Variants in SESN1 observed in about 807,000 individuals in gnomAD.
The protein encoded by SESN1 is sestrin-1.
A neutral mutation model predicts 59.3 loss-of-function variants in SESN1; 30 were observed. That is an observed-to-expected ratio of 0.51 (90% CI 0.38 to 0.69). SESN1 has a LOEUF of 0.69. Among genes scored for constraint, SESN1 ranks in the 30% least tolerant of loss-of-function variants. The pLI is 0.00. For missense variants in SESN1, 566 were observed against 673.0 expected (o/e 0.84, Z 1.76); for synonymous variants, 197 against 219.9 (o/e 0.90, Z 0.92).
chr6:109,049,681 A>AC (rs1162968665), intron 1 of SESN1, among the ~76,000 whole-genome samples: 5 of 150,806 alleles, frequency 3.3e-5, no homozygotes, highest in African/African-American at 1.2e-4. Context: ...AAAAAATAAA[A>AC]AGGAGAGGGG....
chr6:109,062,132 C>T (rs575470823), intron 1 of SESN1, among the ~76,000 whole-genome samples: 2 of 152,182 alleles, frequency 1.3e-5, no homozygotes, highest in South Asian at 4.1e-4. Flanking sequence ...TCAAGCCATC[C>T]TCCTGCCTCA....
chr6:109,077,195 T>C (rs1183650611), intron 1 of SESN1, among the ~76,000 whole-genome samples: 1 of 152,260 alleles, frequency 6.6e-6, no homozygotes, highest in African/African-American at 2.4e-5. Context: ...ATGACTGTAC[T>C]GTATCACCCT....
intron 1 of SESN1, among the ~76,000 whole-genome samples, chr6:109,005,186 G>A (rs1355725141): frequency 6.6e-6 from 1 of 152,196 alleles, no homozygotes; most frequent in African/African-American, 2.4e-5. Context: ...TCAATAGAAG[G>A]CTGTTTCAAT....
chr6:108,993,635 C>G (rs185412104), intron 6 of SESN1, among the ~76,000 whole-genome samples: 2 of 152,162 alleles, frequency 1.3e-5, no homozygotes, highest in Admixed American at 1.3e-4. Context: ...TTTAAATTAC[C>G]TGGTTTATAT....
At chr6:109,009,589 G>A (rs1779818513) in intron 1 of SESN1, 1 of 1,066,000 alleles carries the variant, frequency 9.4e-7, no homozygotes, top group South Asian at 4.5e-5. Context: ...AACAAGCCGC[G>A]CGGCCCCGCC....
intron 1 of SESN1, among the ~76,000 whole-genome samples, chr6:109,034,440 T>C (rs1327416830): frequency 6.6e-6 from 1 of 152,236 alleles, no homozygotes; most frequent in African/African-American, 2.4e-5. Flanking sequence ...TTATCTCTTA[T>C]TTATCAATTC....
chr6:109,004,808 C>G (rs962422939), intron 1 of SESN1, among the ~76,000 whole-genome samples: 2 of 152,146 alleles, frequency 1.3e-5, no homozygotes, highest in African/African-American at 4.8e-5. Context: ...GCTTGACACT[C>G]AAAACAACTG....
chr6:109,085,872 AC>A (rs1243318729), intron 1 of SESN1, among the ~76,000 whole-genome samples: 2 of 152,302 alleles, frequency 1.3e-5, no homozygotes, highest in Non-Finnish European at 2.9e-5. Context: ...CACTTTAAGC[AC>A]GCTGCCCTCC....
intron 4 of SESN1, chr6:109,000,213 G>C: frequency 4.2e-6 from 1 of 238,718 alleles, no homozygotes; most frequent in Non-Finnish European, 8.0e-6. Flanking sequence ...ATATGATATT[G>C]TAATGGATGC....
At chr6:109,085,471 G>A (rs1301890275) in intron 1 of SESN1, among the ~76,000 whole-genome samples, 1 of 151,784 alleles carries the variant, frequency 6.6e-6, no homozygotes, top group African/African-American at 2.4e-5. Context: ...GTGAGCCGAG[G>A]TCGCACCACT....
chr6:109,027,724 C>T, intron 1 of SESN1, among the ~76,000 whole-genome samples: 1 of 152,132 alleles, frequency 6.6e-6, no homozygotes, highest in East Asian at 1.9e-4. Flanking sequence ...ATGCACAGGA[C>T]AGCTCCCCGT....
intron 1 of SESN1, among the ~76,000 whole-genome samples, chr6:109,034,110 C>T (rs1162521605): frequency 6.6e-6 from 1 of 152,174 alleles, no homozygotes; most frequent in Non-Finnish European, 1.5e-5. Context: ...AGTTGTGGGA[C>T]CTACCTAGTA....
chr6:109,063,092 G>A (rs1056659837), intron 1 of SESN1, among the ~76,000 whole-genome samples: 1 of 152,206 alleles, frequency 6.6e-6, no homozygotes, highest in Non-Finnish European at 1.5e-5. Context: ...CCTGCAGAGA[G>A]AAACAGCCCT....
chr6:109,002,319 GTC>G lies in SESN1; in HGVS notation c.302_303del (p.Arg101ProfsTer21). The part of the protein sequence containing the change: ...SIQELGIRIP[R>X]PLGQGPSRFI... ...AATCTGCTTGGTCCCTGTCCTAGTG[GTC>G]GAGGAATTCTAATGCCAAGTTCCTA... On this transcript the variant is annotated frameshift_variant, in exon 2 of 10. Transcript: ENST00000436639. LOFTEE classifies it high-confidence loss of function. 1 of 1,613,350 alleles carries G rather than the reference GTC, an allele frequency of 6.2e-7. No homozygotes were observed. The highest frequency in any genetic ancestry group is 8.5e-7 in the Non-Finnish European group (1 of 1,179,432).
At chr6:109,040,620 T>G (rs1473206477) in intron 1 of SESN1, among the ~76,000 whole-genome samples, 1 of 151,972 alleles carries the variant, frequency 6.6e-6, no homozygotes, top group Admixed American at 6.6e-5. Context: ...TGAAAACAAA[T>G]GAACTGTTAA....
At chr6:109,081,253 G>C (rs547168116) in intron 1 of SESN1, among the ~76,000 whole-genome samples, 1 of 152,024 alleles carries the variant, frequency 6.6e-6, no homozygotes, top group Non-Finnish European at 1.5e-5. Flanking sequence ...GCTAATGTTT[G>C]TATTTTTTGT....
At position 108,994,599 on chromosome 6, in the gene SESN1, G is replaced by T; in HGVS notation, c.983C>A (p.Ser328Tyr). The T allele has an allele frequency of 2.5e-6, 4 of 1,595,120 alleles. No homozygotes were observed. In the South Asian group the frequency reaches 3.3e-5, roughly 13 times the overall value. ...CATGAGGGCTTCAACCTCAAAGAAA[G>T]AATCACTTACCTGAAGAAAAAATAC... The part of the protein sequence containing the change: ...NSAENVSVSD[S>Y]FFEVEALMEK... The change falls in exon 6 of 10, where the codon TCT becomes TAT. Residue 328 changes from serine (S) to tyrosine (Y), a missense_variant. Transcript: ENST00000436639.
intron 1 of SESN1, among the ~76,000 whole-genome samples, chr6:109,075,661 G>A (rs936750958): frequency 6.6e-6 from 1 of 152,152 alleles, no homozygotes; most frequent in Non-Finnish European, 1.5e-5. Flanking sequence ...GCCTTCAGAT[G>A]AGACCATGGC....
intron 5 of SESN1, among the ~76,000 whole-genome samples, 194 bp from the exon 6 acceptor site, chr6:108,994,803 C>T (rs921499936): frequency 6.6e-6 from 1 of 150,510 alleles, no homozygotes; most frequent in Non-Finnish European, 1.5e-5. Flanking sequence ...CCCAGGTTCA[C>T]GCCATTCTCC....
Sources: allele counts gnomAD v4.1 joint callset (sites outside exome capture counted in the v4.1 genomes callset), GRCh38; gene constraint gnomAD v4.1.1; transcripts MANE v1.5; gene names NCBI Gene and HGNC (gene_info 2026-07-23, HGNC 2026-07-21).